SIGLEC1: variants seen among roughly 807,000 people sequenced by gnomAD.
SIGLEC1 encodes the protein sialoadhesin.
A neutral mutation model predicts 148.0 loss-of-function variants in SIGLEC1; 132 were observed. The observed-to-expected ratio is 0.89, with a 90% confidence interval of 0.77 to 1.03. The LOEUF is 1.03. Among genes scored for constraint, SIGLEC1 ranks in the 50% least tolerant of loss-of-function variants. The pLI is 0.00. For missense variants in SIGLEC1, 2,253 were observed against 2,271.4 expected (o/e 0.99, Z 0.16); for synonymous variants, 945 against 969.0 (o/e 0.98, Z 0.46).
chr20:3,699,734 T>C (rs1005528636), intron 7 of SIGLEC1, among the ~76,000 whole-genome samples: 1 of 152,168 alleles, frequency 6.6e-6, no homozygotes, highest in African/African-American at 2.4e-5. Flanking sequence ...CTTAGCACTT[T>C]GGGAGACTGA....
intron 18 of SIGLEC1, among the ~76,000 whole-genome samples, chr20:3,690,793 CTTTA>C (rs1339411876): frequency 6.7e-6 from 1 of 149,636 alleles, no homozygotes; most frequent in Non-Finnish European, 1.5e-5. Context: ...ACTCAGCACG[CTTTA>C]TTTCTTTTGG....
At position 3,692,758 on chromosome 20, in the gene SIGLEC1, G is replaced by A; in HGVS notation, c.3793C>T (p.Leu1265=). ...TCAGGCACGGCAGCCTCCGGAGCCA[G>A]GATCACCCGCACACCTGTGCCAAGG... The part of the protein sequence containing the change: ...ELRLEGVRVI[L]APEAAVPEGA... The change falls in exon 16 of 22, where the codon CTG becomes TTG. Residue 1265 remains leucine, a synonymous_variant. Transcript: ENST00000344754. The A allele has an allele frequency of 2.5e-6, 4 of 1,610,746 alleles. No individual in the cohort carries two copies. Among genetic ancestry groups the A allele is most frequent in the Non-Finnish European group, 3.4e-6 (4 of 1,179,394 alleles).
Position 3,690,118 on chromosome 20 carries a change from C to G in SIGLEC1, c.4738G>C (p.Gly1580Arg), listed in dbSNP as rs778473669. 2 of 1,609,900 alleles carry G rather than the reference C, an allele frequency of 1.2e-6. No homozygotes were observed. The highest frequency in any genetic ancestry group is 8.5e-7 in the Non-Finnish European group (1 of 1,178,628). The part of the protein sequence containing the change: ...SRLVASSQPQ[G>R]APAEPHIHVL... ...TGGATGTGTGGCTCTGCAGGAGCAC[C>G]CTGGGGCTGACTGGAGGCCACCAGT... is the stretch of plus-strand genomic sequence containing the variant. Residue 1580 changes from glycine (G) to arginine (R), a missense_variant, in exon 19 of 22, where the codon GGT (glycine) becomes CGT (arginine). By Grantham distance (125) the Gly-to-Arg change is moderately radical. Transcript: ENST00000344754.
At chr20:3,711,139 A>C (rs1220624343) in intron 1 of SIGLEC1, among the ~76,000 whole-genome samples, 1 of 152,226 alleles carries the variant, frequency 6.6e-6, no homozygotes, top group East Asian at 1.9e-4. Context: ...GGGAGCAGGC[A>C]GCTCTGCAGC....
chr20:3,697,379 G>A lies in SIGLEC1; in HGVS notation c.2123-37C>T, dbSNP rs367944708. On this transcript the variant is annotated intron_variant, in intron 9 of 21. Coordinates refer to ENST00000344754, the MANE Select transcript of SIGLEC1 (RefSeq NM_023068.4). ...GCGGCACAGCTTACTGACCACCCCC[G>A]GCCCCCAGGAGCCAGGGGTCCAGCC... is the stretch of plus-strand genomic sequence containing the variant. 1.8e-4 allele frequency: 282 copies of A among 1,608,238 alleles called. No individual in the cohort carries two copies. The Admixed American group carries it at 3.1e-3, about 18-fold the overall frequency.
At chr20:3,711,454 A>C (rs2087928368) in intron 1 of SIGLEC1, among the ~76,000 whole-genome samples, 1 of 152,138 alleles carries the variant, frequency 6.6e-6, no homozygotes, top group Non-Finnish European at 1.5e-5. Flanking sequence ...GAAAGGGCAG[A>C]GGCAGTTTCC....
chr20:3,698,215 G>A, intron 8 of SIGLEC1, 82 bp from the exon 9 acceptor site: 2 of 1,245,156 alleles, frequency 1.6e-6, no homozygotes, highest in Non-Finnish European at 2.2e-6. Context: ...AGAATACACT[G>A]GACAAAGGCA....
In SIGLEC1 at chr20:3,693,500, C is replaced by A; in HGVS notation, c.3455G>T (p.Gly1152Val). Residue 1152 changes from glycine (G) to valine (V), a missense_variant, in exon 14 of 22, where the codon GGC (glycine) becomes GTC (valine). Coordinates refer to ENST00000344754, the MANE Select transcript of SIGLEC1 (RefSeq NM_023068.4). ...RDATSYRCGVGPPGRAPRLSR... is the reference protein window; with the variant it reads ...RDATSYRCGVVPPGRAPRLSR... Reference sequence around the variant, plus strand: ...GAGGCGGGGTGCCCGACCAGGGGGGCCCACACCGCAGCGGTAGGAGGTGGC... The same window carrying A: ...GAGGCGGGGTGCCCGACCAGGGGGGACCACACCGCAGCGGTAGGAGGTGGC... 1 of 1,607,782 alleles carries A rather than the reference C, an allele frequency of 6.2e-7. No homozygotes were observed.
chr20:3,712,386 C>T (rs554313952), intron 1 of SIGLEC1, among the ~76,000 whole-genome samples, 84 bp downstream of exon 1: 33 of 152,000 alleles, frequency 2.2e-4, no homozygotes, highest in Non-Finnish European at 4.3e-4. Flanking sequence ...ACCCCTGCCC[C>T]TATCCCGCTC....
chr20:3,706,938 C>G, intron 2 of SIGLEC1, 142 bp downstream of exon 2: 1 of 1,068,376 alleles, frequency 9.4e-7, no homozygotes, highest in Non-Finnish European at 1.4e-6. Flanking sequence ...CAGCTTCCTG[C>G]CCAGCTCCTG....
intron 2 of SIGLEC1, 35 bp downstream of exon 2, chr20:3,707,044 AC>A (rs972365065): frequency 6.2e-7 from 1 of 1,602,538 alleles, no homozygotes; most frequent in African/African-American, 1.3e-5. Context: ...TGAAGGCTGG[AC>A]CCTGGAAGAC....
At chr20:3,696,120 C>CTATATATA (rs1555847913) in intron 11 of SIGLEC1, among the ~76,000 whole-genome samples, 103 of 106,052 alleles carry the variant, frequency 9.7e-4, no homozygotes, top group African/African-American at 4.5e-3. Flanking sequence ...TTTATAGAGA[C>CTATATATA]TATATATATA....
In SIGLEC1 at chr20:3,710,886, G is replaced by T. The variant is rs1280995884; in HGVS notation, c.-110+1584C>A. On this transcript the variant is annotated intron_variant, in intron 1 of 21. Transcript: ENST00000344754. This position sits in a 1 kb window ranked among gnomAD's most constrained non-coding sequence, Gnocchi z 4.6. ...AGCCCCACCGGAATCCAGCCTATTGGCTCAGCCTGTCACCACAAAGGCCAG... is the reference window on the plus strand; with the variant it reads ...AGCCCCACCGGAATCCAGCCTATTGTCTCAGCCTGTCACCACAAAGGCCAG... Among the ~76,000 whole-genome samples, 1 of 152,200 alleles carries T rather than the reference G, an allele frequency of 6.6e-6. No homozygotes were observed. The highest frequency in any genetic ancestry group is 6.5e-5 in the Admixed American group (1 of 15,286).
intron 11 of SIGLEC1, among the ~76,000 whole-genome samples, chr20:3,695,493 C>A (rs1013888645): frequency 2.0e-5 from 3 of 152,158 alleles, no homozygotes; most frequent in Admixed American, 1.3e-4. Flanking sequence ...TCCTCAGTGG[C>A]CCCTGGGTGT....
At chr20:3,688,819 G>T (rs2088725226) in intron 21 of SIGLEC1, 200 bp from the exon 22 acceptor site, 1 of 599,166 alleles carries the variant, frequency 1.7e-6, no homozygotes, top group East Asian at 2.8e-5. Flanking sequence ...TTTCACTTCT[G>T]CCCAGGTGAC....
chr20:3,706,488 T>C lies in SIGLEC1; in HGVS notation c.268A>G (p.Met90Val), dbSNP rs1307283199. ...CACACCCTGTGCTCGGGGTTCCCCA[T>C]GAACTCGGTGCGGCCGCGGAAGCGG... ...EARFRGRTEF[M>V]GNPEHRVCNL... is the part of the protein sequence containing the mutation. Residue 90 changes from methionine (M) to valine (V), a missense_variant, in exon 3 of 22, where the codon ATG (methionine) becomes GTG (valine). Coordinates refer to ENST00000344754, the MANE Select transcript of SIGLEC1 (RefSeq NM_023068.4). The C allele has an allele frequency of 4.3e-6, 7 of 1,613,742 alleles. No individual in the cohort carries two copies. Among genetic ancestry groups the C allele is most frequent in the Non-Finnish European group, 5.9e-6 (7 of 1,180,034 alleles).
At chr20:3,701,279 A>T (rs2087848610) in intron 7 of SIGLEC1, 63 bp downstream of exon 7, 1 of 1,430,142 alleles carries the variant, frequency 7.0e-7, no homozygotes, top group Non-Finnish European at 9.5e-7. Flanking sequence ...TAGAAGGAAC[A>T]GACTGGAGCA....
rs540976323 is a variant in SIGLEC1, at chr20:3,703,128, C to A, written c.1228+69G>T. 2.3e-5 allele frequency: 36 copies of A among 1,597,078 alleles called. No homozygotes were observed. In the East Asian group the frequency reaches 6.5e-4, roughly 29 times the overall value. On this transcript the variant is annotated intron_variant, in intron 6 of 21. Transcript: ENST00000344754. ...AGTTCCCATGCCCAGGACCCCAACC[C>A]TTCCTTGGGGCTCCACCATCTGGTC...
At chr20:3,696,448 T>TGCCG in intron 11 of SIGLEC1, 138 bp downstream of exon 11, 3 of 623,918 alleles carry the variant, frequency 4.8e-6, no homozygotes, top group Non-Finnish European at 7.4e-6. Context: ...GGAGGCCTTC[T>TGCCG]GCTGGCTGGA....
Sources: allele counts gnomAD v4.1 joint callset (sites outside exome capture counted in the v4.1 genomes callset), GRCh38; gene constraint gnomAD v4.1.1; non-coding constraint Gnocchi (gnomAD v3.1); transcripts MANE v1.5; gene names NCBI Gene and HGNC (gene_info 2026-07-23, HGNC 2026-07-21).